The following OXR1 variants were observed in gnomAD, a reference collection of about 807,000 sequenced individuals.
OXR1 encodes the protein oxidation resistance protein 1.
Under a neutral mutation model 104.6 loss-of-function variants are expected in OXR1, and 41 were observed. That is an observed-to-expected ratio of 0.39 (90% confidence interval 0.31 to 0.51). The LOEUF (loss-of-function observed/expected upper bound fraction) is 0.51. OXR1 is among the 20% of genes least tolerant of loss of function. The pLI, the probability that OXR1 is intolerant of heterozygous loss-of-function variation, is 0.77. For synonymous variants in OXR1, 348 were observed against 348.4 expected (o/e 1.00, Z 0.01); for missense variants, 955 against 1,031.9 (o/e 0.93, Z 1.02).
intron 2 of OXR1, among the ~76,000 whole-genome samples, chr8:106,387,186 T>C (rs1326535836): frequency 6.6e-6 from 1 of 152,210 alleles, no homozygotes; most frequent in Non-Finnish European, 1.5e-5. Flanking sequence ...CATGTTAAAC[T>C]ATAGAACTTG....
intron 1 of OXR1, among the ~76,000 whole-genome samples, chr8:106,280,461 A>T (rs960086946): frequency 6.6e-6 from 1 of 152,142 alleles, no homozygotes; most frequent in Non-Finnish European, 1.5e-5. Flanking sequence ...TTGTTGGTTT[A>T]TAGACTCATC....
At chr8:106,406,221 T>A (rs925368825) in intron 2 of OXR1, among the ~76,000 whole-genome samples, 9 of 152,198 alleles carry the variant, frequency 5.9e-5, no homozygotes, top group Non-Finnish European at 2.9e-5. Context: ...AAATGGCTGT[T>A]ACTTCTGGCC....
At chr8:106,424,181 A>G (rs1586629618) in intron 2 of OXR1, among the ~76,000 whole-genome samples, 1 of 151,688 alleles carries the variant, frequency 6.6e-6, no homozygotes, top group Non-Finnish European at 1.5e-5. Flanking sequence ...TAAGTGATCC[A>G]CCCCCCTCAG....
chr8:106,593,484 T>C (rs1239511482), intron 3 of OXR1, among the ~76,000 whole-genome samples: 1 of 152,198 alleles, frequency 6.6e-6, no homozygotes, highest in Non-Finnish European at 1.5e-5. Context: ...TTATTAATAA[T>C]TGATTCTGAT....
intron 2 of OXR1, among the ~76,000 whole-genome samples, chr8:106,396,613 G>C (rs1228320836): frequency 6.6e-6 from 1 of 152,090 alleles, no homozygotes; most frequent in African/African-American, 2.4e-5. Context: ...TGGTTCCCTG[G>C]AATGGACCCT....
At chr8:106,663,790 T>C (rs1374248788) in intron 3 of OXR1, among the ~76,000 whole-genome samples, 2 of 152,218 alleles carry the variant, frequency 1.3e-5, no homozygotes, top group Non-Finnish European at 2.9e-5. Flanking sequence ...AACAGTTTCA[T>C]TGAGAAGCCA....
In OXR1 at chr8:106,705,322, C is replaced by T. The variant is rs867173529; in HGVS notation, c.861-1060C>T. ...TTTTAAGATGAATCAGATACAAAGG[C>T]AGCAGAGATATTGACTTCAACTAAT... On this transcript the variant is annotated intron_variant, in intron 8 of 16. Transcript: ENST00000517566. Among the ~76,000 whole-genome samples the T allele has an allele frequency of 1.1e-4, 17 of 152,160 alleles. No individual in the cohort carries two copies. In the Middle Eastern group the frequency reaches 0.031, roughly 274 times the overall value.
At chr8:106,309,677 A>G (rs1388022294) in intron 1 of OXR1, among the ~76,000 whole-genome samples, 1 of 151,660 alleles carries the variant, frequency 6.6e-6, no homozygotes, top group Non-Finnish European at 1.5e-5. Flanking sequence ...ACATGTGGTA[A>G]AATTTTCTAA....
intron 2 of OXR1, among the ~76,000 whole-genome samples, chr8:106,509,897 G>A (rs1394574376): frequency 6.6e-6 from 1 of 152,054 alleles, no homozygotes; most frequent in Non-Finnish European, 1.5e-5. Context: ...TAGCCTCCCT[G>A]AGTAGCTGGC....
In OXR1 at chr8:106,542,756, C is replaced by T. The variant is rs138135043; in HGVS notation, c.220+23617C>T. On this transcript the variant is annotated intron_variant, in intron 3 of 16. Coordinates refer to ENST00000517566, the MANE Select transcript of OXR1 (RefSeq NM_001198533.2). ...TATCGCTGCAAGAAAGTAAATTTCT[C>T]ATTATTTAGCTTGATGCCTAGGGTC... Among the ~76,000 whole-genome samples the T allele has an allele frequency of 2.3e-3, 345 of 151,976 alleles. 2 individuals are homozygous for T. Among genetic ancestry groups the T allele is most frequent in the African/African-American group, 8.0e-3 (332 of 41,470 alleles).
At chr8:106,616,449 C>T (rs1256502071) in intron 3 of OXR1, among the ~76,000 whole-genome samples, 1 of 151,974 alleles carries the variant, frequency 6.6e-6, no homozygotes, top group Non-Finnish European at 1.5e-5. Context: ...ATAGGAAATA[C>T]TGGAACTCTT....
intron 1 of OXR1, among the ~76,000 whole-genome samples, chr8:106,324,878 G>T (rs552891768): frequency 1.3e-5 from 2 of 152,262 alleles, no homozygotes; most frequent in East Asian, 3.9e-4. Flanking sequence ...AGGGGAAAAT[G>T]GTTCCATAAG....
At chr8:106,528,138 T>C (rs1321320427) in intron 3 of OXR1, among the ~76,000 whole-genome samples, 3 of 152,180 alleles carry the variant, frequency 2.0e-5, no homozygotes, top group African/African-American at 7.2e-5. Flanking sequence ...TGCTCTTTCT[T>C]CCACCCTGTT....
chr8:106,521,841 T>C lies in OXR1; in HGVS notation c.220+2702T>C, dbSNP rs149361048. ...GGAAGAGATTTTATGGATAATATAG[T>C]GGAGTGATATTTTTACCACAAGTCC... On this transcript the variant is annotated intron_variant, in intron 3 of 16. Transcript: ENST00000517566. 3.6e-4 allele frequency among the ~76,000 whole-genome samples: 55 copies of C among 152,090 alleles called. No homozygotes were observed. In the East Asian group the frequency reaches 5.2e-3, roughly 14 times the overall value.
intron 1 of OXR1, among the ~76,000 whole-genome samples, chr8:106,334,364 G>A (rs979995870): frequency 6.6e-6 from 1 of 152,062 alleles, no homozygotes; most frequent in Non-Finnish European, 1.5e-5. Flanking sequence ...TTCTTTGTGT[G>A]TGGAATCCTT....
intron 1 of OXR1, among the ~76,000 whole-genome samples, chr8:106,283,661 C>T (rs1353830480): frequency 6.6e-6 from 1 of 152,192 alleles, no homozygotes; most frequent in Non-Finnish European, 1.5e-5. Context: ...ATTGCTTCCT[C>T]ATGAGTCGTA....
At chr8:106,446,513 G>A (rs1820017206) in intron 2 of OXR1, among the ~76,000 whole-genome samples, 1 of 151,872 alleles carries the variant, frequency 6.6e-6, no homozygotes, top group African/African-American at 2.4e-5. Context: ...AACTTCTCAG[G>A]AGGCTGAGGC....
At chr8:106,565,728 A>G (rs959716465) in intron 3 of OXR1, among the ~76,000 whole-genome samples, 1 of 152,204 alleles carries the variant, frequency 6.6e-6, no homozygotes, top group Non-Finnish European at 1.5e-5. Context: ...ACTTAAAACT[A>G]TACTACAAGG....
At chr8:106,378,635 G>A (rs10090072) in intron 2 of OXR1, among the ~76,000 whole-genome samples, 7,892 of 152,152 alleles carry the variant, frequency 0.052, 289 homozygotes, top group African/African-American at 0.1. Flanking sequence ...TCAGCCTCCC[G>A]AGTAGCTGGG....
Sources: allele counts gnomAD v4.1 joint callset (sites outside exome capture counted in the v4.1 genomes callset), GRCh38; gene constraint gnomAD v4.1.1; transcripts MANE v1.5; gene names NCBI Gene and HGNC (gene_info 2026-07-23, HGNC 2026-07-21).